EEF1A1: variants seen among roughly 807,000 people sequenced by gnomAD.
The protein encoded by EEF1A1 is elongation factor 1-alpha 1.
Under a neutral mutation model 38.5 loss-of-function variants are expected in EEF1A1, and 1 was observed. That is an observed-to-expected ratio of 0.03 (90% CI 0.01 to 0.12). The LOEUF (loss-of-function observed/expected upper bound fraction) is 0.12. Ranked by LOEUF, EEF1A1 falls within the 10% of genes least tolerant of loss-of-function variation. The pLI is 1.00. For synonymous variants in EEF1A1, 229 were observed against 203.7 expected, an observed-to-expected ratio of 1.12 and a Z score of -1.06; for missense variants, 184 against 588.3, an observed-to-expected ratio of 0.31 and a Z score of 7.11.
At chr6:73,518,910 A>G in intron 4 of EEF1A1, 22 bp downstream of exon 4, 1 of 1,611,184 alleles carries the variant, frequency 6.2e-7, no homozygotes, top group Non-Finnish European at 8.5e-7. Flanking sequence ...GCTTTTTAAC[A>G]ATGGTCTTGA....
In EEF1A1 at chr6:73,518,530, C is replaced by A; in HGVS notation, c.853G>T (p.Val285Phe). 1.9e-6 allele frequency: 3 copies of A among 1,613,982 alleles called. No homozygotes were observed. The highest frequency in any genetic ancestry group is 2.5e-6 in the Non-Finnish European group (3 of 1,179,880). Residue 285 changes from valine to phenylalanine, a missense_variant, in exon 6 of 8, where the codon GTT becomes TTT. Val to Phe is a conservative substitution (Grantham distance 50). This residue lies in a region of EEF1A1 where 81 missense variants were observed against 286.3 expected (regional missense o/e 0.28). Transcript: ENST00000309268. ...GMVVTFAPVN[V>F]TTEVKSVEMH... ...TCGACAGATTTTACTTCCGTTGTAACGTTGACTGGAGCAAAGGTGACCACC... is the reference window on the plus strand; with the variant it reads ...TCGACAGATTTTACTTCCGTTGTAAAGTTGACTGGAGCAAAGGTGACCACC...
rs1582715286 is a variant in EEF1A1 at position 73,520,052 on chromosome 6, G to A, written c.-26C>T. 9 of 1,585,224 alleles carry A rather than the reference G, an allele frequency of 5.7e-6. No individual in the cohort carries two copies. Among genetic ancestry groups the A allele is most frequent in the South Asian group, 1.1e-5 (1 of 88,866 alleles). On this transcript the variant is annotated 5_prime_UTR_variant, in exon 2 of 8. Coordinates refer to ENST00000309268, the MANE Select transcript of EEF1A1 (RefSeq NM_001402.6). ...TTTGGCTTTTAGGGGTAGTTTTCAC[G>A]ACACCTGAAATGGAAGAAAAAAACT...
rs781620988 is a variant in EEF1A1 at position 73,518,800 on chromosome 6, T to A, written c.670A>T (p.Ser224Cys). Reference sequence around the variant, plus strand: ...AGAGCCTCAAGCAGCGTGGTTCCACTGGCATTGCCATCCTTACGGGTGACT... The same window carrying A: ...AGAGCCTCAAGCAGCGTGGTTCCACAGGCATTGCCATCCTTACGGGTGACT... ...WKVTRKDGNA[S>C]GTTLLEALDC... Residue 224 changes from serine (S) to cysteine (C), a missense_variant, in exon 5 of 8, where the codon AGT (serine) becomes TGT (cysteine). Ser to Cys is a moderately radical substitution (Grantham distance 112). Transcript: ENST00000309268. 2.5e-6 allele frequency: 4 copies of A among 1,614,232 alleles called. No individual in the cohort carries two copies. Among genetic ancestry groups the A allele is most frequent in the Admixed American group, 1.7e-5 (1 of 60,012 alleles).
Position 73,517,231 on chromosome 6 carries a change from A to G in EEF1A1, c.*579T>C, listed in dbSNP as rs1765541358. ...ATTCACTTAACATTGGTTTAGCAAC[A>G]TGAAGCTTTCTATGCAACACAAGGA... is the stretch of plus-strand genomic sequence containing the variant. On this transcript the variant is annotated 3_prime_UTR_variant, in exon 8 of 8. Transcript: ENST00000309268. 6.6e-6 allele frequency: 1 copy of G among 152,346 alleles called. No individual in the cohort carries two copies. Among genetic ancestry groups the G allele is most frequent in the Admixed American group, 6.6e-5 (1 of 15,234 alleles). The allele number at this position is 152,346 out of a possible 1,614,324, so 9.4% of individuals were successfully genotyped here. A position where few individuals can be genotyped will look rare whatever the true frequency, so the allele number is the denominator to read the frequency against.
intron 2 of EEF1A1, 21 bp downstream of exon 2, chr6:73,519,862 C>T (rs1167337192): frequency 1.9e-6 from 3 of 1,611,940 alleles, no homozygotes; most frequent in Non-Finnish European, 1.7e-6. Flanking sequence ...TTGATCTTTC[C>T]CTTTCTGGTA....
intron 2 of EEF1A1, 131 bp downstream of exon 2, chr6:73,519,752 T>C: frequency 2.1e-6 from 3 of 1,398,716 alleles, no homozygotes; most frequent in Non-Finnish European, 2.9e-6. Flanking sequence ...AAAGCAAAAT[T>C]ATTTCATAAG....
rs774490838 is a variant in EEF1A1 at position 73,518,662 on chromosome 6, T to TCA, written c.772+34_772+35dup. ...ACCTATGAAGGCAGACAGTACTCTATCAACTCAAATTCAACTTTGTTTACA... is the reference window on the plus strand; with the variant it reads ...ACCTATGAAGGCAGACAGTACTCTATCACAACTCAAATTCAACTTTGTTTACA... On this transcript the variant is annotated intron_variant, in intron 5 of 7. Transcript: ENST00000309268. The TCA allele has an allele frequency of 1.9e-6, 3 of 1,613,188 alleles. No individual in the cohort carries two copies. The South Asian group carries it at 3.3e-5, about 18-fold the overall frequency.
chr6:73,517,250 A>C lies in EEF1A1; in HGVS notation c.*560T>G, dbSNP rs16883805. On this transcript the variant is annotated 3_prime_UTR_variant, in exon 8 of 8. Coordinates refer to ENST00000309268, the MANE Select transcript of EEF1A1 (RefSeq NM_001402.6). ...AGCAACATGAAGCTTTCTATGCAAC[A>C]CAAGGACTCAGTTTTTGGCCTGTTT... The C allele has an allele frequency of 0.039, 5,953 of 151,656 alleles. 244 individuals are homozygous for C. The highest frequency in any genetic ancestry group is 0.19 in the East Asian group (971 of 5,104). The allele number at this position is 151,656 out of a possible 1,614,324, so 9.4% of individuals were successfully genotyped here.
chr6:73,519,795 CCACT>C, intron 2 of EEF1A1, 84 bp downstream of exon 2: 5 of 1,563,282 alleles, frequency 3.2e-6, no homozygotes, highest in Non-Finnish European at 3.5e-6. Context: ...CAGATCTAAA[CCACT>C]CACTAGTTCT....
chr6:73,519,659 C>T (rs1765602138), intron 2 of EEF1A1, 143 bp from the exon 3 acceptor site: 6 of 1,177,346 alleles, frequency 5.1e-6, no homozygotes, highest in Non-Finnish European at 7.1e-6. Flanking sequence ...ACAGAAGCAA[C>T]CAAAAATCAA....
At position 73,519,870 on chromosome 6, in the gene EEF1A1, GTATT is replaced by G. The variant is rs1765609011; in HGVS notation, c.144+9_144+12del. 2 of 1,612,530 alleles carry G rather than the reference GTATT, an allele frequency of 1.2e-6. No individual in the cohort carries two copies. The highest frequency in any genetic ancestry group is 4.5e-5 in the East Asian group (2 of 44,876). ...ATTTTAGTTGATCTTTCCCTTTCTGGTATTAAACATACCTCAGCAGCCTCCTTCT... is the reference window on the plus strand; with the variant it reads ...ATTTTAGTTGATCTTTCCCTTTCTGGAAACATACCTCAGCAGCCTCCTTCT... On this transcript the variant is annotated intron_variant, in intron 2 of 7. Coordinates refer to ENST00000309268, the MANE Select transcript of EEF1A1 (RefSeq NM_001402.6).
At position 73,518,635 on chromosome 6, in the gene EEF1A1, A is replaced by T. The variant is rs773230145; in HGVS notation, c.773-25T>A. ...CCTAAAAATATTTACAGCATACTAA[A>T]TACCTATGAAGGCAGACAGTACTCT... On this transcript the variant is annotated intron_variant, in intron 5 of 7. Coordinates refer to ENST00000309268, the MANE Select transcript of EEF1A1 (RefSeq NM_001402.6). The T allele has an allele frequency of 3.1e-6, 5 of 1,612,902 alleles. No individual in the cohort carries two copies. In the Admixed American group the frequency reaches 8.3e-5, roughly 27 times the overall value.
rs781046198 is a variant in EEF1A1, at chr6:73,519,037, C to T, written c.516G>A (p.Lys172=). ...TTTTCTTAATGTAAGTGCTGACTTCCTTAACAATTTCCTCATATCTCTTCT... is the reference window on the plus strand; with the variant it reads ...TTTTCTTAATGTAAGTGCTGACTTCTTTAACAATTTCCTCATATCTCTTCT... ...YSQKRYEEIV[K]EVSTYIKKIG... is the part of the protein sequence containing the mutation. Residue 172 remains lysine (K), a synonymous_variant, in exon 4 of 8, where the codon AAG becomes AAA. Coordinates refer to ENST00000309268, the MANE Select transcript of EEF1A1 (RefSeq NM_001402.6). The T allele has an allele frequency of 2.9e-5, 47 of 1,608,970 alleles. 1 individual carries two copies. In the South Asian group the frequency reaches 4.9e-4, roughly 17 times the overall value.
Position 73,519,030 on chromosome 6 carries a change from T to C in EEF1A1, c.523A>G (p.Ser175Gly). 6.2e-7 allele frequency: 1 copy of C among 1,608,426 alleles called. No homozygotes were observed. Among genetic ancestry groups the C allele is most frequent in the Admixed American group, 1.7e-5 (1 of 59,710 alleles). Reference sequence around the variant, plus strand: ...TAGCCAATTTTCTTAATGTAAGTGCTGACTTCCTTAACAATTTCCTCATAT... The same window carrying C: ...TAGCCAATTTTCTTAATGTAAGTGCCGACTTCCTTAACAATTTCCTCATAT... ...KRYEEIVKEV[S>G]TYIKKIGYNP... is the part of the protein sequence containing the mutation. The change falls in exon 4 of 8, where the codon AGC (serine) becomes GGC (glycine). Residue 175 changes from serine to glycine, a missense_variant. Ser to Gly is a moderately conservative substitution (Grantham distance 56). Coordinates refer to ENST00000309268, the MANE Select transcript of EEF1A1 (RefSeq NM_001402.6).
In EEF1A1 at chr6:73,516,363, C is replaced by CCA. The variant is rs2150050767; in HGVS notation, c.*1445_*1446dup. On this transcript the variant is annotated 3_prime_UTR_variant, in exon 8 of 8. Coordinates refer to ENST00000309268, the MANE Select transcript of EEF1A1 (RefSeq NM_001402.6). ...GGCATGGTGGCTCATGCCTGTAATT[C>CCA]CAGCACTTTAGGAGGCCGAGGCGAT... 6.6e-6 allele frequency: 1 copy of CCA among 152,232 alleles called. No homozygotes were observed. The highest frequency in any genetic ancestry group is 1.9e-4 in the East Asian group (1 of 5,184). The allele number at this position is 152,232 out of a possible 1,614,324, so 9.4% of individuals were successfully genotyped here. A position where few individuals can be genotyped will look rare whatever the true frequency, so the allele number is the denominator to read the frequency against.
At chr6:73,520,836 G>GGGC (rs1408464752) in intron 1 of EEF1A1, 164 bp downstream of exon 1, 1 of 152,428 alleles carries the variant, frequency 6.6e-6, no homozygotes, top group Non-Finnish European at 1.5e-5. Context: ...CGAGGCGAAG[G>GGGC]GGCTCCTTAA....
chr6:73,519,060 T>C lies in EEF1A1; in HGVS notation c.493A>G (p.Lys165Glu). Residue 165 changes from lysine (K) to glutamate (E), a missense_variant, in exon 4 of 8, where the codon AAG becomes GAG. Coordinates refer to ENST00000309268, the MANE Select transcript of EEF1A1 (RefSeq NM_001402.6). ...TCCTTAACAATTTCCTCATATCTCTTCTGGCTGTAGGGTGGCTCAGTGGAA... is the reference window on the plus strand; with the variant it reads ...TCCTTAACAATTTCCTCATATCTCTCCTGGCTGTAGGGTGGCTCAGTGGAA... ...MDSTEPPYSQ[K>E]RYEEIVKEVS... The C allele has an allele frequency of 6.2e-7, 1 of 1,608,712 alleles. No individual in the cohort carries two copies.
At position 73,517,753 on chromosome 6, in the gene EEF1A1, T is replaced by C. The variant is rs1462122066; in HGVS notation, c.*57A>G. The C allele has an allele frequency of 2.1e-6, 2 of 958,606 alleles. No homozygotes were observed. Among genetic ancestry groups the C allele is most frequent in the African/African-American group, 1.7e-5 (1 of 59,960 alleles). 59.4% of individuals were successfully genotyped at this position (958,606 alleles called of 1,614,324 possible). On this transcript the variant is annotated 3_prime_UTR_variant, in exon 8 of 8. Transcript: ENST00000309268. Reference sequence around the variant, plus strand: ...AATGGCCAATTGAAACAAACAGTTCTGAGACCGTTCTTCCACCACTGATTA... The same window carrying C: ...AATGGCCAATTGAAACAAACAGTTCCGAGACCGTTCTTCCACCACTGATTA...
In EEF1A1 at chr6:73,519,973, C is replaced by G; in HGVS notation, c.54G>C (p.Ser18=). ...INIVVIGHVD[S]GKSTTTGHLI... is the part of the protein sequence containing the mutation. ...GATGGCCAGTAGTGGTGGACTTGCC[C>G]GAATCTACGTGTCCAATGACGACAA... Residue 18 remains serine, a synonymous_variant, in exon 2 of 8, where the codon TCG becomes TCC. Coordinates refer to ENST00000309268, the MANE Select transcript of EEF1A1 (RefSeq NM_001402.6). 1 of 1,604,424 alleles carries G rather than the reference C, an allele frequency of 6.2e-7. No homozygotes were observed. Among genetic ancestry groups the G allele is most frequent in the Non-Finnish European group, 8.5e-7 (1 of 1,179,836 alleles).
Sources: allele counts gnomAD v4.1 joint callset, GRCh38; gene constraint gnomAD v4.1.1; regional missense constraint gnomAD v4.1.1; transcripts MANE v1.5; gene names NCBI Gene and HGNC (gene_info 2026-07-23, HGNC 2026-07-21).